AK7: variants seen among roughly 807,000 people sequenced by gnomAD.
AK7 encodes the protein adenylate kinase 7.
In AK7, 78 loss-of-function variants were observed where a neutral mutation model predicts 96.6. That is an observed-to-expected ratio of 0.81 (90% confidence interval 0.67 to 0.97). The LOEUF (loss-of-function observed/expected upper bound fraction) is 0.97. Ranked by LOEUF, AK7 falls within the 50% of genes least tolerant of loss-of-function variation. The pLI, the probability that AK7 is intolerant of heterozygous loss-of-function variation, is 0.00. For synonymous variants in AK7, 302 were observed against 317.2 expected, an observed-to-expected ratio of 0.95 and a Z score of 0.51; for missense variants, 855 against 887.9, an observed-to-expected ratio of 0.96 and a Z score of 0.47.
intron 10 of AK7, among the ~76,000 whole-genome samples, chr14:96,455,545 A>G (rs1207761076): frequency 6.6e-6 from 1 of 152,212 alleles, no homozygotes; most frequent in African/African-American, 2.4e-5. Context: ...CAGAAATAGT[A>G]TTCAGGCAGT....
At chr14:96,465,553 G>A (rs1275532490) in intron 12 of AK7, among the ~76,000 whole-genome samples, 2 of 152,086 alleles carry the variant, frequency 1.3e-5, no homozygotes, top group Middle Eastern at 3.4e-3. Flanking sequence ...AAGGAAAACC[G>A]TGTTTCTTTT....
intron 15 of AK7, among the ~76,000 whole-genome samples, chr14:96,481,347 A>T (rs887391042): frequency 2.4e-4 from 37 of 151,916 alleles, no homozygotes; most frequent in African/African-American, 8.9e-4. Context: ...TTATTTATTT[A>T]TTTTATTTAT....
intron 4 of AK7, among the ~76,000 whole-genome samples, chr14:96,419,784 C>CTTTTTTTTT (rs11449244): frequency 4.9e-5 from 5 of 101,714 alleles, no homozygotes; most frequent in African/African-American, 1.9e-4. Context: ...TTTTTTCTTT[C>CTTTTTTTTT]TTTTCTTTTT....
chr14:96,447,275 G>A (rs1893296499), intron 8 of AK7, among the ~76,000 whole-genome samples: 1 of 152,114 alleles, frequency 6.6e-6, no homozygotes, highest in South Asian at 2.1e-4. Context: ...CAACCTACTG[G>A]CCAATTCCAG....
chr14:96,471,048 A>G (rs368396290), intron 12 of AK7, among the ~76,000 whole-genome samples: 14 of 152,312 alleles, frequency 9.2e-5, no homozygotes, highest in African/African-American at 3.1e-4. Flanking sequence ...ACAAAATCAC[A>G]TATTTTTTAC....
At chr14:96,454,351 C>A (rs1262042435) in intron 10 of AK7, among the ~76,000 whole-genome samples, 1 of 151,720 alleles carries the variant, frequency 6.6e-6, no homozygotes, top group African/African-American at 2.4e-5. Flanking sequence ...GATATTTTGA[C>A]CTCTGTTAGA....
At chr14:96,414,301 A>G (rs1014298173) in intron 4 of AK7, among the ~76,000 whole-genome samples, 1 of 152,234 alleles carries the variant, frequency 6.6e-6, no homozygotes, top group Non-Finnish European at 1.5e-5. Context: ...CAGGCTTGGA[A>G]GAGATGCTCA....
intron 12 of AK7, among the ~76,000 whole-genome samples, chr14:96,460,564 G>A (rs917081132): frequency 2.0e-5 from 3 of 152,130 alleles, no homozygotes; most frequent in African/African-American, 4.8e-5. Context: ...CTGCACCGCC[G>A]GGGCATGGCT....
intron 1 of AK7, among the ~76,000 whole-genome samples, chr14:96,397,261 T>C (rs1037428430): frequency 6.6e-6 from 1 of 152,240 alleles, no homozygotes; most frequent in African/African-American, 2.4e-5. Flanking sequence ...TTTAATTTTT[T>C]TTTTTTAGGC....
intron 10 of AK7, among the ~76,000 whole-genome samples, chr14:96,452,324 C>A (rs931831237): frequency 6.6e-5 from 10 of 150,536 alleles, no homozygotes; most frequent in African/African-American, 2.2e-4. Context: ...GATGAAGCAA[C>A]CTTTTTTTTT....
intron 11 of AK7, among the ~76,000 whole-genome samples, chr14:96,457,678 C>G (rs900547531): frequency 3.3e-5 from 5 of 152,056 alleles, no homozygotes; most frequent in Non-Finnish European, 5.9e-5. Context: ...GGGGTATTAT[C>G]AAACTTTATT....
chr14:96,452,226 G>A (rs1408293182), intron 10 of AK7, among the ~76,000 whole-genome samples: 2 of 152,078 alleles, frequency 1.3e-5, no homozygotes, highest in Non-Finnish European at 2.9e-5. Flanking sequence ...ATTAACATCC[G>A]TGTTAACTCA....
At chr14:96,415,748 T>TAATTAATTTAATAAATTAATTAATTA in intron 4 of AK7, among the ~76,000 whole-genome samples, 2 of 133,960 alleles carry the variant, frequency 1.5e-5, no homozygotes, top group Non-Finnish European at 3.2e-5. Flanking sequence ...TTAATTAAAT[T>TAATTAATTTAATAAATTAATTAATTA]AATTAATTTA....
At chr14:96,421,008 C>A in intron 5 of AK7, 76 bp downstream of exon 5, 2 of 1,023,274 alleles carry the variant, frequency 2.0e-6, no homozygotes, top group South Asian at 1.4e-5. Flanking sequence ...CTGAGACTTA[C>A]CCCACGGATG....
At chr14:96,434,652 G>A (rs1451604744) in intron 5 of AK7, among the ~76,000 whole-genome samples, 19 of 152,038 alleles carry the variant, frequency 1.2e-4, no homozygotes, top group Admixed American at 1.2e-3. Flanking sequence ...GGCATAACCA[G>A]CCAGGTCTGT....
At position 96,488,443 on chromosome 14, in the gene AK7, A is replaced by T. The variant is rs1297125279; in HGVS notation, c.*100A>T. On this transcript the variant is annotated 3_prime_UTR_variant, in exon 18 of 18. Coordinates refer to ENST00000267584, the MANE Select transcript of AK7 (RefSeq NM_152327.5). ...AAAATGCTTTTCCAGTTCTTAGAAAATTCTTTTTTTGTAGACAAATATTCT... is the reference window on the plus strand; with the variant it reads ...AAAATGCTTTTCCAGTTCTTAGAAATTTCTTTTTTTGTAGACAAATATTCT... 8.9e-7 allele frequency: 1 copy of T among 1,124,428 alleles called. No individual in the cohort carries two copies. The highest frequency in any genetic ancestry group is 1.6e-5 in the African/African-American group (1 of 63,610). The allele number at this position is 1,124,428 out of a possible 1,614,324, so 69.7% of individuals were successfully genotyped here.
At chr14:96,436,515 C>T (rs1012278470) in intron 5 of AK7, among the ~76,000 whole-genome samples, 2 of 152,038 alleles carry the variant, frequency 1.3e-5, no homozygotes, top group African/African-American at 2.4e-5. Flanking sequence ...CATGGTGGTT[C>T]TCACCTGTAA....
intron 15 of AK7, 60 bp from the exon 16 acceptor site, chr14:96,482,939 C>G: frequency 6.5e-7 from 1 of 1,531,790 alleles, no homozygotes; most frequent in Non-Finnish European, 9.0e-7. Context: ...AAAGAATTTT[C>G]CCAATTGCAG....
At chr14:96,405,723 CT>C (rs1319994605) in intron 3 of AK7, among the ~76,000 whole-genome samples, 4 of 152,150 alleles carry the variant, frequency 2.6e-5, no homozygotes, top group Non-Finnish European at 5.9e-5. Flanking sequence ...ATTTCCAACT[CT>C]AAATATTTGA....
Sources: gnomAD v4.1 joint callset for allele counts (sites outside exome capture counted in the v4.1 genomes callset) on GRCh38, gnomAD v4.1.1 for gene constraint, MANE v1.5 for transcripts, NCBI Gene and HGNC (gene_info 2026-07-23, HGNC 2026-07-21) for gene names.